PRKDC: variants seen among roughly 807,000 people sequenced by gnomAD.
PRKDC encodes the protein protein kinase, DNA-activated, catalytic subunit, also known as DNA-dependent protein kinase catalytic subunit.
Under a neutral mutation model 486.9 loss-of-function variants are expected in PRKDC, and 82 were observed. The ratio of observed to expected loss-of-function variants is 0.17; its 90% CI spans 0.14 to 0.20. The LOEUF (loss-of-function observed/expected upper bound fraction) is 0.20, where lower values mean the gene tolerates loss of function less well. Among genes scored for constraint, PRKDC ranks in the 10% least tolerant of loss-of-function variants. The pLI is 1.00. For missense variants in PRKDC, 4,504 were observed against 5,038.2 expected (o/e 0.89, Z 3.21); for synonymous variants, 1,895 against 1,837.0 (o/e 1.03, Z -0.81).
chr8:47,822,960 A>T (rs572637020), intron 64 of PRKDC, among the ~76,000 whole-genome samples: 42 of 152,254 alleles, frequency 2.8e-4, no homozygotes, highest in African/African-American at 8.9e-4. Flanking sequence ...ATGTGTCCCC[A>T]CCTAAACCTC....
At chr8:47,877,685 T>C in intron 40 of PRKDC, 39 bp downstream of exon 40, 2 of 1,487,050 alleles carry the variant, frequency 1.3e-6, no homozygotes, top group Non-Finnish European at 1.8e-6. Flanking sequence ...AAAACTGAAA[T>C]GCGTATGGTT....
rs1489810177 is a variant in PRKDC at position 47,783,856 on chromosome 8, G to A, written c.11108-47C>T. The A allele has an allele frequency of 5.1e-6, 8 of 1,568,668 alleles. No homozygotes were observed. In the East Asian group the frequency reaches 9.0e-5, roughly 18 times the overall value. On this transcript the variant is annotated intron_variant, in intron 77 of 85. Transcript: ENST00000314191. ...CTTAGGAACAGCTTGTTAGACAACCGCCTGTATTTTAAAACATGCCTCTTG... is the reference window on the plus strand; with the variant it reads ...CTTAGGAACAGCTTGTTAGACAACCACCTGTATTTTAAAACATGCCTCTTG...
chr8:47,941,778 T>C (rs1350713671), intron 10 of PRKDC, among the ~76,000 whole-genome samples: 4 of 152,248 alleles, frequency 2.6e-5, no homozygotes, highest in Admixed American at 2.0e-4. Flanking sequence ...TCTCTTGAAC[T>C]TCTCCCCTGA....
intron 38 of PRKDC, 139 bp from the exon 39 acceptor site, chr8:47,879,797 T>G: frequency 1.6e-6 from 1 of 607,504 alleles, no homozygotes; most frequent in Non-Finnish European, 2.5e-6. Flanking sequence ...TTCTAAATTA[T>G]ATTAAAAACC....
chr8:47,812,192 A>T (rs1222095565), intron 68 of PRKDC, among the ~76,000 whole-genome samples: 4 of 152,202 alleles, frequency 2.6e-5, no homozygotes, highest in Admixed American at 6.5e-5. Flanking sequence ...ATCATAGGAG[A>T]TTTTGACATC....
intron 29 of PRKDC, 104 bp downstream of exon 29, chr8:47,898,366 G>T: frequency 3.3e-6 from 3 of 915,964 alleles, no homozygotes; most frequent in Admixed American, 2.4e-5. Flanking sequence ...TGTTTAGGAA[G>T]TAATTCCTTA....
chr8:47,959,911 C>G, intron 1 of PRKDC, 62 bp downstream of exon 1: 7 of 1,515,204 alleles, frequency 4.6e-6, no homozygotes, highest in Non-Finnish European at 6.2e-6. Context: ...CCGGGCTGCC[C>G]GGCTCCAGAA....
rs753822578 is a variant in PRKDC, at chr8:47,852,711, G to A, written c.6967C>T (p.Leu2323=). 1.9e-6 allele frequency: 3 copies of A among 1,580,002 alleles called. No individual in the cohort carries two copies. The highest frequency in any genetic ancestry group is 2.6e-6 in the Non-Finnish European group (3 of 1,160,980). The change falls in exon 52 of 86, where the codon CTA becomes TTA. Residue 2323 remains leucine, a synonymous_variant. Coordinates refer to ENST00000314191, the MANE Select transcript of PRKDC (RefSeq NM_006904.7). ...ATAACATATCGAAGTATAAGTCCTA[G>A]AACTTCTGCTGCAGCGGCATACACT... ...KEVYAAAAEV[L]GLILRYVMER...
chr8:47,785,437 A>C (rs1446642843), intron 76 of PRKDC, 120 bp from the exon 77 acceptor site: 19 of 854,542 alleles, frequency 2.2e-5, no homozygotes, highest in Non-Finnish European at 3.2e-5. Context: ...CTCTGCTTTT[A>C]AGATGTATAG....
chr8:47,878,091 GTTTTTTTTTAGGT>G (rs1279680303), intron 39 of PRKDC, among the ~76,000 whole-genome samples: 4 of 139,840 alleles, frequency 2.9e-5, no homozygotes, highest in Admixed American at 7.1e-5. Context: ...TTCTTTCTAG[GTTTTTTTTTAGGT>G]TTTTTTTTTT....
At chr8:47,849,715 C>T (rs1589740772) in intron 52 of PRKDC, among the ~76,000 whole-genome samples, 1 of 152,224 alleles carries the variant, frequency 6.6e-6, no homozygotes, top group East Asian at 1.9e-4. Flanking sequence ...TGAGTTCCTA[C>T]ACCTCGGTGA....
intron 56 of PRKDC, 128 bp from the exon 57 acceptor site, chr8:47,837,547 A>AGTGG (rs2088054820): frequency 1.5e-6 from 1 of 655,062 alleles, no homozygotes; most frequent in Non-Finnish European, 2.6e-6. Context: ...GAGGGAAACC[A>AGTGG]CCTTCAACTA....
chr8:47,888,757 T>A, intron 33 of PRKDC, 107 bp from the exon 34 acceptor site: 1 of 1,390,818 alleles, frequency 7.2e-7, no homozygotes, highest in Non-Finnish European at 9.6e-7. Context: ...AGAGGCAACA[T>A]CTAACAGGAT....
chr8:47,884,343 A>C (rs1161685146), intron 36 of PRKDC, among the ~76,000 whole-genome samples: 1 of 152,194 alleles, frequency 6.6e-6, no homozygotes, highest in Non-Finnish European at 1.5e-5. Context: ...GGGGCTCAGC[A>C]CGTGTGGACC....
intron 48 of PRKDC, 61 bp downstream of exon 48, chr8:47,858,455 G>T: frequency 7.5e-7 from 1 of 1,331,228 alleles, no homozygotes; most frequent in Non-Finnish European, 1.0e-6. Context: ...TTCATTCATA[G>T]AATTGAATAA....
intron 25 of PRKDC, among the ~76,000 whole-genome samples, chr8:47,907,413 C>T (rs7840349): frequency 0.86 from 116,230 of 135,852 alleles, 49,304 homozygotes; most frequent in Middle Eastern, 0.93. Flanking sequence ...TATATATATA[C>T]ACACACACAC....
chr8:47,958,376 A>G (rs2090746104), intron 1 of PRKDC, among the ~76,000 whole-genome samples: 1 of 152,212 alleles, frequency 6.6e-6, no homozygotes, highest in African/African-American at 2.4e-5. Flanking sequence ...CTTTGGTTCT[A>G]GCTTGGTGAG....
chr8:47,828,404 C>G (rs1029786476), intron 61 of PRKDC, 57 bp from the exon 62 acceptor site: 3 of 1,381,150 alleles, frequency 2.2e-6, no homozygotes, highest in Non-Finnish European at 3.0e-6. Context: ...TGCTATAAAT[C>G]ACCAATACTA....
At chr8:47,884,524 T>C (rs778725154) in intron 36 of PRKDC, among the ~76,000 whole-genome samples, 1 of 152,228 alleles carries the variant, frequency 6.6e-6, no homozygotes, top group Non-Finnish European at 1.5e-5. Context: ...TAGAGGAATT[T>C]AGGGAAGGAA....
Sources: allele counts gnomAD v4.1 joint callset (sites outside exome capture counted in the v4.1 genomes callset), GRCh38; gene constraint gnomAD v4.1.1; transcripts MANE v1.5; gene names NCBI Gene and HGNC (gene_info 2026-07-23, HGNC 2026-07-21).